AFF1: variants seen among roughly 807,000 people sequenced by gnomAD.
AFF1 encodes the protein AF4/FMR2 family member 1.
AFF1 carries 48 observed loss-of-function variants against 121.7 expected under a neutral mutation model. The observed-to-expected ratio is 0.39, with a 90% CI of 0.31 to 0.50. AFF1 has a LOEUF of 0.50. AFF1 is among the 20% of genes least tolerant of loss of function. The pLI is 0.76. For missense variants in AFF1, 1,523 were observed against 1,511.7 expected, an observed-to-expected ratio of 1.01 and a Z score of -0.12; for synonymous variants, 613 against 563.0, an observed-to-expected ratio of 1.09 and a Z score of -1.26.
At chr4:86,969,828 C>G (rs368109601) in intron 2 of AFF1, among the ~76,000 whole-genome samples, 1 of 129,538 alleles carries the variant, frequency 7.7e-6, no homozygotes, top group Non-Finnish European at 1.6e-5. Flanking sequence ...TGCAGTGAGC[C>G]GAGATAGCAC....
In AFF1 at chr4:87,125,093, A is replaced by G; in HGVS notation, c.2523A>G (p.Lys841=). The G allele has an allele frequency of 6.2e-7, 1 of 1,610,770 alleles. No homozygotes were observed. The highest frequency in any genetic ancestry group is 1.7e-5 in the Admixed American group (1 of 59,768). ...NKKIRLEKEI[K]SQSSSSSSSH... is the part of the protein sequence containing the mutation. ...AAATCAGACTGGAGAAGGAAATCAA[A>G]TCACAGTCATCTTCATCTTCATCCT... Residue 841 remains lysine, a synonymous_variant, in exon 13 of 21, where the codon AAA becomes AAG. Coordinates refer to ENST00000395146, the MANE Select transcript of AFF1 (RefSeq NM_001166693.3).
At chr4:87,091,913 C>A in intron 7 of AFF1, 84 bp downstream of exon 7, 1 of 1,007,360 alleles carries the variant, frequency 9.9e-7, no homozygotes, top group South Asian at 1.5e-5. Flanking sequence ...GTAAAAAATG[C>A]CCCAGCAGAG....
intron 2 of AFF1, among the ~76,000 whole-genome samples, chr4:86,958,846 C>T (rs1040849635): frequency 1.3e-5 from 2 of 152,196 alleles, no homozygotes; most frequent in Admixed American, 1.3e-4. Flanking sequence ...ACTCTATTTA[C>T]TTGTGGGGTG....
chr4:86,959,958 T>G (rs1029081124), intron 2 of AFF1, among the ~76,000 whole-genome samples: 4 of 152,176 alleles, frequency 2.6e-5, no homozygotes, highest in Non-Finnish European at 4.4e-5. Flanking sequence ...AGGGCCTCGT[T>G]TGCAAATGAA....
At chr4:86,991,411 C>T (rs1724698380) in intron 2 of AFF1, among the ~76,000 whole-genome samples, 1 of 151,074 alleles carries the variant, frequency 6.6e-6, no homozygotes, top group South Asian at 2.1e-4. Flanking sequence ...CCCCACTGCA[C>T]TCCAGCCTGG....
intron 2 of AFF1, among the ~76,000 whole-genome samples, chr4:86,990,148 G>T (rs1724584404): frequency 7.1e-6 from 1 of 140,534 alleles, no homozygotes; most frequent in Non-Finnish European, 1.6e-5. Flanking sequence ...TTCTGCCCAT[G>T]TATTCCAGAA....
At chr4:87,039,025 T>G (rs1366309127) in intron 2 of AFF1, among the ~76,000 whole-genome samples, 3 of 152,096 alleles carry the variant, frequency 2.0e-5, no homozygotes, top group Non-Finnish European at 1.5e-5. Flanking sequence ...CATTCAGCAA[T>G]CCCGCATGAC....
Position 87,114,847 on chromosome 4 carries a change from C to A in AFF1, c.2014C>A (p.Pro672Thr), listed in dbSNP as rs376031240. Residue 672 changes from proline to threonine, a missense_variant, in exon 12 of 21, where the codon CCC becomes ACC. Pro to Thr is a conservative substitution (Grantham distance 38). Around this residue, in one of 5 missense-constraint regions of AFF1, gnomAD observed 905 missense variants for 842.5 expected, o/e 1.07. Transcript: ENST00000395146. ...ASNEPKPAVPPSSEKKKHKSS... is the reference protein window; with the variant it reads ...ASNEPKPAVPTSSEKKKHKSS... ...CAACGAACCCAAGCCAGCAGTGCCCCCCTCCAGTGAGAAGAAGAAGCACAA... is the reference window on the plus strand; with the variant it reads ...CAACGAACCCAAGCCAGCAGTGCCCACCTCCAGTGAGAAGAAGAAGCACAA... The A allele has an allele frequency of 5.0e-6, 8 of 1,613,754 alleles. No individual in the cohort carries two copies. In the African/African-American group the frequency reaches 5.3e-5, roughly 11 times the overall value.
intron 2 of AFF1, chr4:87,020,824 T>C: frequency 1.0e-6 from 1 of 985,350 alleles, no homozygotes; most frequent in Non-Finnish European, 1.2e-6. Flanking sequence ...ATTGTTAACG[T>C]CGTCTTTTCA....
chr4:86,964,924 A>G (rs1274173841), intron 2 of AFF1, among the ~76,000 whole-genome samples: 3 of 152,182 alleles, frequency 2.0e-5, no homozygotes, highest in African/African-American at 7.2e-5. Flanking sequence ...GACCTATTTA[A>G]TCCTTCAGCA....
chr4:87,054,193 CT>C (rs1245080891), intron 4 of AFF1, among the ~76,000 whole-genome samples: 1 of 152,252 alleles, frequency 6.6e-6, no homozygotes, highest in Non-Finnish European at 1.5e-5. Context: ...TTCCCAGGCC[CT>C]CCCCTAGGGG....
intron 3 of AFF1, 58 bp downstream of exon 3, chr4:87,046,344 A>G (rs1282278283): frequency 6.3e-7 from 1 of 1,580,840 alleles, no homozygotes; most frequent in Non-Finnish European, 8.6e-7. Context: ...GAACCCTATG[A>G]TGAAACAATT....
rs1205832976 is a variant in AFF1, at chr4:86,935,035, G to C, written c.-242G>C. The C allele has an allele frequency of 6.6e-6, 1 of 151,876 alleles. No homozygotes were observed. Among genetic ancestry groups the C allele is most frequent in the Non-Finnish European group, 1.5e-5 (1 of 67,932 alleles). The allele number at this position is 151,876 out of a possible 1,614,324, so 9.4% of individuals were successfully genotyped here. On this transcript the variant is annotated 5_prime_UTR_variant, in exon 1 of 21. Transcript: ENST00000395146. ...CAGCCAGCTAGCGAGCGACGGGCGC[G>C]CGCGGCCCCTGCGCACTCGGCCGCC...
At chr4:87,121,263 T>C (rs1201878262) in intron 12 of AFF1, among the ~76,000 whole-genome samples, 2 of 151,988 alleles carry the variant, frequency 1.3e-5, no homozygotes, top group African/African-American at 4.8e-5. Context: ...GAAGAGAGAG[T>C]ATCACCTCAT....
intron 2 of AFF1, chr4:87,007,301 A>G (rs1578045029): frequency 1.3e-6 from 2 of 1,576,910 alleles, no homozygotes; most frequent in Non-Finnish European, 1.7e-6. Flanking sequence ...CCGCGCCGGG[A>G]CGCGTCCCCG....
intron 2 of AFF1, among the ~76,000 whole-genome samples, chr4:86,995,452 C>T (rs1725072530): frequency 6.6e-6 from 1 of 151,272 alleles, no homozygotes; most frequent in Non-Finnish European, 1.5e-5. Flanking sequence ...CCTGCGATTG[C>T]AGGCGCGCGC....
At chr4:87,058,712 CTT>C (rs1720412050) in intron 4 of AFF1, among the ~76,000 whole-genome samples, 2 of 152,210 alleles carry the variant, frequency 1.3e-5, no homozygotes, top group Admixed American at 6.5e-5. Context: ...CTTCTTCACT[CTT>C]GTGTCTTCTC....
rs1729502680 is a variant in AFF1, at chr4:87,138,819, G to T, written c.*3118G>T. 8.8e-6 allele frequency: 2 copies of T among 228,536 alleles called. No individual in the cohort carries two copies. Among genetic ancestry groups the T allele is most frequent in the African/African-American group, 2.2e-5 (1 of 45,058 alleles). 14.2% of individuals were successfully genotyped at this position (228,536 alleles called of 1,614,324 possible). On this transcript the variant is annotated 3_prime_UTR_variant, in exon 21 of 21. Transcript: ENST00000395146. ...GAATGGGAAAAGTATCTAATATTTT[G>T]TAACAAAAAGACCTTCATATTATCT...
intron 2 of AFF1, among the ~76,000 whole-genome samples, chr4:87,015,062 CAG>C (rs1239741526): frequency 1.3e-5 from 2 of 152,122 alleles, no homozygotes; most frequent in Admixed American, 6.6e-5. Flanking sequence ...TAAAGGAAAA[CAG>C]AACGTGTTAT....
Sources: gnomAD v4.1 joint callset for allele counts (sites outside exome capture counted in the v4.1 genomes callset) on GRCh38, gnomAD v4.1.1 for gene constraint, gnomAD v4.1.1 regional missense constraint, MANE v1.5 for transcripts, NCBI Gene and HGNC (gene_info 2026-07-23, HGNC 2026-07-21) for gene names.